CTNNA3: variants seen among roughly 807,000 people sequenced by gnomAD.
The protein encoded by CTNNA3 is catenin alpha-3.
A neutral mutation model predicts 95.7 loss-of-function variants in CTNNA3; 76 were observed. The observed-to-expected ratio is 0.79, with a 90% CI of 0.66 to 0.96. The LOEUF is 0.96. Ranked by LOEUF, CTNNA3 falls within the 40% of genes least tolerant of loss-of-function variation. The pLI, the probability that CTNNA3 is intolerant of heterozygous loss-of-function variation, is 0.00. For synonymous variants in CTNNA3, 431 were observed against 374.4 expected, an observed-to-expected ratio of 1.15 and a Z score of -1.74; for missense variants, 1,191 against 1,089.8, an observed-to-expected ratio of 1.09 and a Z score of -1.31.
Position 66,075,881 on chromosome 10 carries a change from A to T in CTNNA3, c.1978-6392T>A, listed in dbSNP as rs184765143. On this transcript the variant is annotated intron_variant, in intron 14 of 17. Coordinates refer to ENST00000433211, the MANE Select transcript of CTNNA3 (RefSeq NM_013266.4). ...CTTAACTATAACTTTTTTTCATGGA[A>T]ATTAAATTCTTAGGTAAATCATATA... Among the ~76,000 whole-genome samples, 389 of 151,788 alleles carry T rather than the reference A, an allele frequency of 2.6e-3. 6 individuals carry two copies. The highest frequency in any genetic ancestry group is 9.1e-3 in the African/African-American group (376 of 41,512).
At chr10:67,295,161 G>T (rs1266969485) in intron 5 of CTNNA3, among the ~76,000 whole-genome samples, 1 of 151,986 alleles carries the variant, frequency 6.6e-6, no homozygotes, top group African/African-American at 2.4e-5. Flanking sequence ...GTAATTTTGG[G>T]GCATAACGTA....
chr10:66,196,012 T>C (rs2086940455), intron 13 of CTNNA3, among the ~76,000 whole-genome samples: 1 of 152,136 alleles, frequency 6.6e-6, no homozygotes, highest in Non-Finnish European at 1.5e-5. Flanking sequence ...AATATTCATA[T>C]CAGAAGAATT....
chr10:66,985,929 T>C (rs1850705512), intron 7 of CTNNA3, among the ~76,000 whole-genome samples: 1 of 152,038 alleles, frequency 6.6e-6, no homozygotes, highest in African/African-American at 2.4e-5. Context: ...GGTTTCACCA[T>C]GTTGGCCAGG....
chr10:65,933,550 C>T (rs1222732190), intron 17 of CTNNA3, among the ~76,000 whole-genome samples: 1 of 152,140 alleles, frequency 6.6e-6, no homozygotes, highest in South Asian at 2.1e-4. Context: ...AGCAAAAAAA[C>T]GAAAAGTAAA....
At chr10:67,392,875 G>T (rs1034990020) in intron 5 of CTNNA3, among the ~76,000 whole-genome samples, 9 of 152,058 alleles carry the variant, frequency 5.9e-5, no homozygotes, top group African/African-American at 2.2e-4. Context: ...ATGGACACAG[G>T]AAGGGGAACA....
At chr10:67,695,095 C>T (rs1289457526) in intron 1 of CTNNA3, among the ~76,000 whole-genome samples, 2 of 152,148 alleles carry the variant, frequency 1.3e-5, no homozygotes, top group Non-Finnish European at 2.9e-5. Flanking sequence ...CACAACTATT[C>T]TCAATATGTT....
intron 7 of CTNNA3, among the ~76,000 whole-genome samples, chr10:67,154,803 C>G (rs1179971592): frequency 6.6e-6 from 1 of 152,168 alleles, no homozygotes; most frequent in Non-Finnish European, 1.5e-5. Context: ...TATATGCCCC[C>G]TCAATCTCTG....
chr10:66,303,198 G>A (rs9787470), intron 12 of CTNNA3, among the ~76,000 whole-genome samples: 7,340 of 152,068 alleles, frequency 0.048, 266 homozygotes, highest in Middle Eastern at 0.095. Flanking sequence ...CTTGGTTATT[G>A]TAACCAGCAC....
At chr10:67,430,379 G>A (rs1283050550) in intron 5 of CTNNA3, among the ~76,000 whole-genome samples, 1 of 151,920 alleles carries the variant, frequency 6.6e-6, no homozygotes, top group East Asian at 1.9e-4. Flanking sequence ...TTTCACATAT[G>A]TTAATGGTGG....
intron 12 of CTNNA3, among the ~76,000 whole-genome samples, chr10:66,294,241 C>T (rs939282750): frequency 4.6e-5 from 7 of 152,030 alleles, no homozygotes; most frequent in African/African-American, 1.5e-4. Flanking sequence ...TTTTATCATC[C>T]GGTCATAATT....
At chr10:66,235,773 T>A (rs1406199175) in intron 13 of CTNNA3, among the ~76,000 whole-genome samples, 1 of 7,656 alleles carries the variant, frequency 1.3e-4, no homozygotes, top group Admixed American at 2.6e-3. Flanking sequence ...ACAAAGCTAT[T>A]AATCTGACAA....
chr10:66,047,060 G>T (rs1293122917), intron 15 of CTNNA3, among the ~76,000 whole-genome samples: 1 of 152,062 alleles, frequency 6.6e-6, no homozygotes, highest in Non-Finnish European at 1.5e-5. Context: ...ACAAAGAAGA[G>T]CTGGTACCAT....
At chr10:67,252,556 T>C (rs1866153355) in intron 5 of CTNNA3, among the ~76,000 whole-genome samples, 1 of 152,240 alleles carries the variant, frequency 6.6e-6, no homozygotes, top group Admixed American at 6.5e-5. Context: ...ACTCTTTCTG[T>C]CTCAAAATAC....
At chr10:66,205,623 T>C (rs983768797) in intron 13 of CTNNA3, among the ~76,000 whole-genome samples, 2 of 151,970 alleles carry the variant, frequency 1.3e-5, no homozygotes, top group Non-Finnish European at 1.5e-5. Flanking sequence ...TAAACCAAAA[T>C]TTAAAAACAG....
At chr10:65,952,465 TTCA>T (rs1362872387) in intron 17 of CTNNA3, among the ~76,000 whole-genome samples, 3 of 152,150 alleles carry the variant, frequency 2.0e-5, no homozygotes, top group African/African-American at 7.2e-5. Context: ...TTTCCCTTTC[TTCA>T]TTTCTTTTGC....
At chr10:66,785,037 A>T (rs1354719581) in intron 7 of CTNNA3, among the ~76,000 whole-genome samples, 8 of 152,188 alleles carry the variant, frequency 5.3e-5, no homozygotes, top group Admixed American at 3.9e-4. Context: ...CATGGTCCAG[A>T]TATGGGCCTT....
At chr10:66,087,653 T>C (rs1421275196) in intron 14 of CTNNA3, among the ~76,000 whole-genome samples, 1 of 152,140 alleles carries the variant, frequency 6.6e-6, no homozygotes, top group Admixed American at 6.6e-5. Flanking sequence ...GTTGACTCTT[T>C]TGTTTTCAGT....
At chr10:66,332,268 G>C (rs1329027283) in intron 12 of CTNNA3, among the ~76,000 whole-genome samples, 1 of 151,800 alleles carries the variant, frequency 6.6e-6, no homozygotes, top group Non-Finnish European at 1.5e-5. Flanking sequence ...CCTGGCCAGA[G>C]CTCCCAACAC....
chr10:66,090,167 C>A (rs1375670426), intron 14 of CTNNA3, among the ~76,000 whole-genome samples: 1 of 151,846 alleles, frequency 6.6e-6, no homozygotes, highest in Admixed American at 6.6e-5. Flanking sequence ...TCAAGAGCTA[C>A]CCATCTATAA....
Sources: gnomAD v4.1 joint callset for allele counts (sites outside exome capture counted in the v4.1 genomes callset) on GRCh38, gnomAD v4.1.1 for gene constraint, MANE v1.5 for transcripts, NCBI Gene and HGNC (gene_info 2026-07-23, HGNC 2026-07-21) for gene names.